Variants in CELF4 observed in about 807,000 individuals in gnomAD.
CELF4 encodes CUGBP Elav-like family member 4.
Under a neutral mutation model 59.9 loss-of-function variants are expected in CELF4, and 18 were observed. The observed-to-expected ratio is 0.30, with a 90% confidence interval of 0.21 to 0.45. The LOEUF is 0.45. CELF4 is among the 20% of genes least tolerant of loss of function. The pLI, the probability that CELF4 is intolerant of heterozygous loss-of-function variation, is 1.00. For synonymous variants in CELF4, 261 were observed against 267.1 expected (o/e 0.98, Z 0.22); for missense variants, 456 against 689.0 (o/e 0.66, Z 3.79).
chr18:37,266,378 C>T, intron 9 of CELF4, 155 bp downstream of exon 9: 1 of 800,586 alleles, frequency 1.2e-6, no homozygotes. Flanking sequence ...AAGAAGGCAG[C>T]CTGGAGGGTC....
intron 2 of CELF4, among the ~76,000 whole-genome samples, chr18:37,379,909 G>C (rs1286186528): frequency 6.6e-6 from 1 of 152,166 alleles, no homozygotes; most frequent in African/African-American, 2.4e-5. Context: ...CTCAGTGAGG[G>C]AGGCCAAGAT....
At chr18:37,487,668 C>G (rs1409679766) in intron 1 of CELF4, among the ~76,000 whole-genome samples, 1 of 152,198 alleles carries the variant, frequency 6.6e-6, no homozygotes, top group African/African-American at 2.4e-5. Context: ...TGCCTGCAAC[C>G]AGGAGGTGGC....
At chr18:37,497,348 C>G (rs977188763) in intron 1 of CELF4, among the ~76,000 whole-genome samples, 1 of 152,158 alleles carries the variant, frequency 6.6e-6, no homozygotes, top group Non-Finnish European at 1.5e-5. Flanking sequence ...AAGACATACC[C>G]CCTGCTTTAA....
chr18:37,384,067 T>C (rs2099072054), intron 2 of CELF4, among the ~76,000 whole-genome samples: 1 of 152,080 alleles, frequency 6.6e-6, no homozygotes, highest in Non-Finnish European at 1.5e-5. Flanking sequence ...GCATGGCTAA[T>C]TGGGAGACTG....
intron 8 of CELF4, 118 bp from the exon 9 acceptor site, chr18:37,266,716 C>A: frequency 1.1e-6 from 1 of 921,396 alleles, no homozygotes; most frequent in East Asian, 2.7e-5. Flanking sequence ...AGGCTGTGCC[C>A]TGGGGCAGGG....
intron 1 of CELF4, among the ~76,000 whole-genome samples, chr18:37,498,560 G>T (rs1428332623): frequency 1.4e-5 from 2 of 146,914 alleles, no homozygotes; most frequent in Admixed American, 1.4e-4. Flanking sequence ...ATTCTGTTTT[G>T]TCTCATGACT....
Position 37,254,462 on chromosome 18 carries a change from C to T in CELF4, c.1334-524G>A, listed in dbSNP as rs1042891779. Among the ~76,000 whole-genome samples, 1 of 152,078 alleles carries T rather than the reference C, an allele frequency of 6.6e-6. No homozygotes were observed. The highest frequency in any genetic ancestry group is 6.5e-5 in the Admixed American group (1 of 15,302). ...TCTCCACCGCCGGCCCGGCCGCCCCCCTCGCCACCGCAGGTGCCCGGCTGT... is the reference window on the plus strand; with the variant it reads ...TCTCCACCGCCGGCCCGGCCGCCCCTCTCGCCACCGCAGGTGCCCGGCTGT... On this transcript the variant is annotated intron_variant, in intron 11 of 12. Coordinates refer to ENST00000420428, the MANE Select transcript of CELF4 (RefSeq NM_020180.4). The surrounding 1 kb of genome is among the most constrained non-coding windows in gnomAD (Gnocchi z 5.1).
chr18:37,272,300 T>A lies in CELF4; in HGVS notation c.949+716A>T, dbSNP rs75251117. 9.8e-3 allele frequency among the ~76,000 whole-genome samples: 1,485 copies of A among 152,256 alleles called. 15 individuals carry two copies. Among genetic ancestry groups the A allele is most frequent in the African/African-American group, 0.034 (1,431 of 41,538 alleles). On this transcript the variant is annotated intron_variant, in intron 7 of 12. Transcript: ENST00000420428. ...ATCATACAGCAATATCCCTGGCCTC[T>A]ACCCACTAGATTTCAGTAGCAATCC... is the stretch of plus-strand genomic sequence containing the variant.
chr18:37,372,486 TG>T (rs1417512088), intron 2 of CELF4, among the ~76,000 whole-genome samples: 2 of 152,008 alleles, frequency 1.3e-5, no homozygotes, highest in Non-Finnish European at 2.9e-5. Flanking sequence ...TGTCGTGGGA[TG>T]GGGTGGAGGC....
intron 2 of CELF4, among the ~76,000 whole-genome samples, chr18:37,379,980 G>A (rs1208750649): frequency 6.6e-6 from 1 of 152,150 alleles, no homozygotes. Context: ...GGGTGGATGG[G>A]TTTCAGGGAC....
At chr18:37,437,501 C>G (rs1354758311) in intron 2 of CELF4, among the ~76,000 whole-genome samples, 1 of 152,196 alleles carries the variant, frequency 6.6e-6, no homozygotes, top group African/African-American at 2.4e-5. Flanking sequence ...ACTATGGAAA[C>G]TGGGGGAATG....
intron 2 of CELF4, among the ~76,000 whole-genome samples, chr18:37,379,425 A>G (rs2099010109): frequency 7.3e-6 from 1 of 136,090 alleles, no homozygotes; most frequent in South Asian, 2.5e-4. Context: ...TGCCTTTTGT[A>G]GGCTGGAGTT....
chr18:37,276,801 AG>A (rs1226000568), intron 3 of CELF4, among the ~76,000 whole-genome samples: 1 of 152,200 alleles, frequency 6.6e-6, no homozygotes, highest in African/African-American at 2.4e-5. Context: ...ACAGAGTCCC[AG>A]GGGTGGCTGC....
At chr18:37,388,770 G>A (rs946270343) in intron 2 of CELF4, among the ~76,000 whole-genome samples, 12 of 152,112 alleles carry the variant, frequency 7.9e-5, no homozygotes, top group Non-Finnish European at 1.2e-4. Context: ...GATGCCTCCC[G>A]AGCATGCCCT....
chr18:37,308,972 A>G (rs2096548420), intron 3 of CELF4, among the ~76,000 whole-genome samples: 1 of 152,150 alleles, frequency 6.6e-6, no homozygotes, highest in Non-Finnish European at 1.5e-5. Context: ...GCACCTGGGC[A>G]GGTTCAGCTT....
intron 1 of CELF4, among the ~76,000 whole-genome samples, chr18:37,563,732 C>T (rs956686729): frequency 2.6e-5 from 4 of 152,128 alleles, no homozygotes; most frequent in Admixed American, 6.5e-5. Context: ...ACCCTCACCC[C>T]ACCCCAACAA....
At chr18:37,510,231 G>T (rs1330516846) in intron 1 of CELF4, among the ~76,000 whole-genome samples, 1 of 152,168 alleles carries the variant, frequency 6.6e-6, no homozygotes, top group Non-Finnish European at 1.5e-5. Flanking sequence ...CCCTCCTCCT[G>T]CCCCACGAGT....
At chr18:37,482,074 A>G (rs1026741371) in intron 2 of CELF4, among the ~76,000 whole-genome samples, 2 of 151,734 alleles carry the variant, frequency 1.3e-5, no homozygotes, top group African/African-American at 4.9e-5. Context: ...TTATAGTAAC[A>G]TGTGCTGTCT....
chr18:37,535,136 C>T (rs1350588380), intron 1 of CELF4, among the ~76,000 whole-genome samples: 1 of 152,292 alleles, frequency 6.6e-6, no homozygotes, highest in Middle Eastern at 3.4e-3. Flanking sequence ...CCCAGGTCTT[C>T]TCCAACAATA....
Sources: allele counts gnomAD v4.1 joint callset (sites outside exome capture counted in the v4.1 genomes callset), GRCh38; gene constraint gnomAD v4.1.1; non-coding constraint Gnocchi (gnomAD v3.1); transcripts MANE v1.5; gene names NCBI Gene and HGNC (gene_info 2026-07-23, HGNC 2026-07-21).